The following KCNK10 variants were observed in gnomAD, a reference collection of about 807,000 sequenced individuals.
KCNK10 encodes potassium two pore domain channel subfamily K member 10, also known as potassium channel subfamily K member 10.
A neutral mutation model predicts 47.7 loss-of-function variants in KCNK10; 25 were observed. The observed-to-expected ratio is 0.52, with a 90% CI of 0.38 to 0.73. KCNK10 has a LOEUF of 0.73. Ranked by LOEUF, KCNK10 falls within the 30% of genes least tolerant of loss-of-function variation. KCNK10 has a pLI of 0.00. For missense variants in KCNK10, 563 were observed against 714.5 expected (o/e 0.79, Z 2.42); for synonymous variants, 303 against 285.6 (o/e 1.06, Z -0.61).
At chr14:88,253,052 C>T (rs1886843780) in intron 2 of KCNK10, among the ~76,000 whole-genome samples, 1 of 152,172 alleles carries the variant, frequency 6.6e-6, no homozygotes, top group African/African-American at 2.4e-5. Context: ...CTGCTTTGGT[C>T]ACTAGCTAGA....
intron 2 of KCNK10, among the ~76,000 whole-genome samples, chr14:88,256,419 G>A (rs148057353): frequency 3.1e-4 from 47 of 152,232 alleles, no homozygotes; most frequent in Non-Finnish European, 5.4e-4. Context: ...GAGAAGCAGC[G>A]GGGAGAGAGA....
At chr14:88,220,784 A>G (rs572315184) in intron 4 of KCNK10, among the ~76,000 whole-genome samples, 13 of 152,238 alleles carry the variant, frequency 8.5e-5, no homozygotes, top group African/African-American at 3.1e-4. Flanking sequence ...GAAGAAATCT[A>G]CATGACCTTG....
chr14:88,271,573 G>A (rs1476447452), intron 1 of KCNK10, among the ~76,000 whole-genome samples: 2 of 152,174 alleles, frequency 1.3e-5, no homozygotes, highest in Non-Finnish European at 2.9e-5. Flanking sequence ...CCTTCATGAA[G>A]AGCTACAAGC....
At chr14:88,253,706 T>A (rs1220482927) in intron 2 of KCNK10, among the ~76,000 whole-genome samples, 3 of 151,982 alleles carry the variant, frequency 2.0e-5, no homozygotes, top group African/African-American at 7.2e-5. Context: ...TTGAGACCAG[T>A]CTGGCCAACC....
chr14:88,231,299 A>T (rs933052831), intron 3 of KCNK10, among the ~76,000 whole-genome samples: 1 of 149,978 alleles, frequency 6.7e-6, no homozygotes. Context: ...AAATAAAAAT[A>T]AAAAATAAAC....
intron 1 of KCNK10, among the ~76,000 whole-genome samples, chr14:88,284,743 C>T (rs965934252): frequency 6.6e-6 from 1 of 152,130 alleles, no homozygotes; most frequent in Non-Finnish European, 1.5e-5. Flanking sequence ...GTCTTCCTCT[C>T]CAGTCCACTG....
At chr14:88,311,291 T>C (rs1888323377) in intron 1 of KCNK10, among the ~76,000 whole-genome samples, 1 of 152,060 alleles carries the variant, frequency 6.6e-6, no homozygotes, top group South Asian at 2.1e-4. Flanking sequence ...TCTGATTGTG[T>C]CATCCTCCCA....
At chr14:88,325,416 C>T (rs1888639692), upstream of KCNK10, among the ~76,000 whole-genome samples, 1 of 152,226 alleles carries the variant, frequency 6.6e-6, no homozygotes, top group South Asian at 2.1e-4. Context: ...CATATTTCCT[C>T]TCCATTCATC....
Position 88,185,911 on chromosome 14 carries a change from T to C in KCNK10, c.1256A>G (p.Glu419Gly), listed in dbSNP as rs1276599714. Residue 419 changes from glutamate (E) to glycine (G), a missense_variant, in exon 7 of 7, where the codon GAG becomes GGG. Physicochemically the swap from Glu to Gly is moderately conservative, Grantham distance 98. Transcript: ENST00000319231. The surrounding 1 kb of genome is among the most constrained non-coding windows in gnomAD (Gnocchi z 4.3). ...GTTGTTGGGCCGGTTGTTGATGCTC[T>C]CCTGGGATGAGGCCTTGAAGCGGCC... ...DTGRFKASSQ[E>G]SINNRPNNLR... 5 of 1,614,050 alleles carry C rather than the reference T, an allele frequency of 3.1e-6. No homozygotes were observed. In the South Asian group the frequency reaches 5.5e-5, roughly 18 times the overall value.
intron 2 of KCNK10, among the ~76,000 whole-genome samples, chr14:88,242,104 A>G (rs1248087026): frequency 6.6e-6 from 1 of 152,264 alleles, no homozygotes; most frequent in East Asian, 1.9e-4. Context: ...GAATAACCCT[A>G]TGTAGGGAGA....
intron 1 of KCNK10, among the ~76,000 whole-genome samples, chr14:88,275,702 A>G (rs937089628): frequency 6.7e-6 from 1 of 148,540 alleles, no homozygotes; most frequent in Non-Finnish European, 1.5e-5. Context: ...ACAAAAAAAA[A>G]AAAAAAAAAA....
At chr14:88,217,805 C>G (rs550948623) in intron 4 of KCNK10, among the ~76,000 whole-genome samples, 16 of 152,228 alleles carry the variant, frequency 1.1e-4, no homozygotes, top group Admixed American at 5.9e-4. Flanking sequence ...TCACTGCAAC[C>G]TCTGCCTCCC....
intron 1 of KCNK10, among the ~76,000 whole-genome samples, chr14:88,306,053 T>A (rs1408298382): frequency 6.6e-6 from 1 of 152,144 alleles, no homozygotes; most frequent in Non-Finnish European, 1.5e-5. Flanking sequence ...AATGCCAAGT[T>A]GGCAGTCAGA....
intron 1 of KCNK10, among the ~76,000 whole-genome samples, chr14:88,315,683 G>A (rs1486445092): frequency 6.6e-6 from 1 of 152,022 alleles, no homozygotes. Flanking sequence ...TGGTGTTTTA[G>A]GCGTCTGCAA....
At chr14:88,247,603 C>T (rs1442060705) in intron 2 of KCNK10, among the ~76,000 whole-genome samples, 1 of 152,138 alleles carries the variant, frequency 6.6e-6, no homozygotes, top group African/African-American at 2.4e-5. Context: ...AAAGTGAAGG[C>T]CACTGGCAGA....
chr14:88,299,326 T>G (rs1292051515), intron 1 of KCNK10, among the ~76,000 whole-genome samples: 1 of 152,212 alleles, frequency 6.6e-6, no homozygotes, highest in Admixed American at 6.5e-5. Context: ...TAAAAGCTGC[T>G]TTACATGGCA....
At chr14:88,259,502 G>A (rs1887050542) in intron 2 of KCNK10, among the ~76,000 whole-genome samples, 1 of 152,152 alleles carries the variant, frequency 6.6e-6, no homozygotes, top group South Asian at 2.1e-4. Flanking sequence ...TGTTTCCCAG[G>A]CTGGAGTACT....
chr14:88,251,492 C>T (rs1258994595), intron 2 of KCNK10, among the ~76,000 whole-genome samples: 1 of 152,124 alleles, frequency 6.6e-6, no homozygotes, highest in Admixed American at 6.6e-5. Context: ...TAAAGGCTTC[C>T]CCCAAGAGTT....
intron 4 of KCNK10, among the ~76,000 whole-genome samples, chr14:88,214,666 A>G (rs1885563693): frequency 6.6e-6 from 1 of 152,232 alleles, no homozygotes. Flanking sequence ...AAGAAAAGAG[A>G]ACACAAAGAA....
Sources: allele counts gnomAD v4.1 joint callset (sites outside exome capture counted in the v4.1 genomes callset), GRCh38; gene constraint gnomAD v4.1.1; non-coding constraint Gnocchi (gnomAD v3.1); transcripts MANE v1.5; gene names NCBI Gene and HGNC (gene_info 2026-07-23, HGNC 2026-07-21).